The following RORA variants were observed in gnomAD, a reference collection of about 807,000 sequenced individuals.
RORA encodes RAR related orphan receptor A, also known as nuclear receptor ROR-alpha.
Under a neutral mutation model 69.5 loss-of-function variants are expected in RORA, and 7 were observed. The observed-to-expected ratio is 0.10, with a 90% CI of 0.06 to 0.19. The LOEUF is 0.19. Ranked by LOEUF, RORA falls within the 10% of genes least tolerant of loss-of-function variation. The pLI, the probability that RORA is intolerant of heterozygous loss-of-function variation, is 1.00. For synonymous variants in RORA, 261 were observed against 240.8 expected (o/e 1.08, Z -0.78); for missense variants, 457 against 663.0 (o/e 0.69, Z 3.41).
chr15:60,762,762 G>A (rs868093909), intron 1 of RORA, among the ~76,000 whole-genome samples: 2 of 152,092 alleles, frequency 1.3e-5, no homozygotes, highest in East Asian at 3.9e-4. Context: ...TCTGCAAGGG[G>A]GACTATTGGT....
chr15:60,944,581 C>T (rs1892805422), intron 1 of RORA, among the ~76,000 whole-genome samples: 1 of 151,328 alleles, frequency 6.6e-6, no homozygotes, highest in Non-Finnish European at 1.5e-5. Flanking sequence ...AAAAAATGGC[C>T]AGGTGTGGTG....
At chr15:60,783,951 A>G (rs1020019188) in intron 1 of RORA, among the ~76,000 whole-genome samples, 1 of 152,226 alleles carries the variant, frequency 6.6e-6, no homozygotes, top group Non-Finnish European at 1.5e-5. Context: ...CATTCCCACA[A>G]TTAGTTTAAC....
intron 1 of RORA, chr15:61,182,938 G>A (rs886564122): frequency 6.6e-6 from 1 of 152,200 alleles, no homozygotes; most frequent in African/African-American, 2.4e-5. Context: ...TCTTCACAGG[G>A]ATCAAGATCA....
At chr15:60,924,571 C>G (rs1161500635) in intron 1 of RORA, among the ~76,000 whole-genome samples, 1 of 151,954 alleles carries the variant, frequency 6.6e-6, no homozygotes, top group African/African-American at 2.4e-5. Context: ...AATAGAAATT[C>G]TTGTCCTTGG....
rs556010859 is a variant in RORA at position 60,935,284 on chromosome 15, G to A, written c.167-256598C>T. ...TCTGGCTTTGTGTAGACATCTCCTCGCTGGGAGAAAAGCCAGAGTTAATCC... is the reference window on the plus strand; with the variant it reads ...TCTGGCTTTGTGTAGACATCTCCTCACTGGGAGAAAAGCCAGAGTTAATCC... On this transcript the variant is annotated intron_variant, in intron 1 of 10. Transcript: ENST00000335670. Among the ~76,000 whole-genome samples, 14 of 152,234 alleles carry A rather than the reference G, an allele frequency of 9.2e-5. No individual in the cohort carries two copies. The South Asian group carries it at 2.1e-3, about 23-fold the overall frequency.
In RORA at chr15:60,746,296, A is replaced by AT. The variant is rs563779949; in HGVS notation, c.167-67611dup. Among the ~76,000 whole-genome samples the AT allele has an allele frequency of 6.8e-3, 1,015 of 149,840 alleles. 8 individuals are homozygous for AT. Among genetic ancestry groups the AT allele is most frequent in the African/African-American group, 0.024 (963 of 40,908 alleles). On this transcript the variant is annotated intron_variant, in intron 1 of 10. Coordinates refer to ENST00000335670, the MANE Select transcript of RORA (RefSeq NM_134261.3). ...CTGTCAGGGGTGGTGGGCCATGTGC[A>AT]TTTTTTTTTTAATTTAATGAATGGA... is the stretch of plus-strand genomic sequence containing the variant.
intron 2 of RORA, among the ~76,000 whole-genome samples, chr15:60,551,929 G>A (rs2067237474): frequency 6.6e-6 from 1 of 152,230 alleles, no homozygotes; most frequent in Non-Finnish European, 1.5e-5. Context: ...AACAGAACCA[G>A]TGTGAACAGA....
chr15:60,936,488 C>T (rs76381949), intron 1 of RORA, among the ~76,000 whole-genome samples: 1,853 of 152,294 alleles, frequency 0.012, 41 homozygotes, highest in African/African-American at 0.043. Context: ...TCAAAAGTGT[C>T]CACCTTCTTT....
At chr15:60,543,419 G>A (rs1036909214) in intron 2 of RORA, among the ~76,000 whole-genome samples, 2 of 152,030 alleles carry the variant, frequency 1.3e-5, no homozygotes, top group Non-Finnish European at 2.9e-5. Context: ...TAAAGTGCCT[G>A]TAGCATCAGT....
At chr15:60,552,180 A>C (rs1391079486) in intron 2 of RORA, among the ~76,000 whole-genome samples, 10 of 152,220 alleles carry the variant, frequency 6.6e-5, no homozygotes. Context: ...TAGTGGTGTC[A>C]AACAGGAAAA....
rs142897728 is a variant in RORA at position 60,929,995 on chromosome 15, G to C, written c.167-251309C>G. 3.0e-3 allele frequency among the ~76,000 whole-genome samples: 460 copies of C among 152,258 alleles called. 5 individuals are homozygous for C. Among genetic ancestry groups the C allele is most frequent in the Non-Finnish European group, 5.5e-3 (371 of 68,022 alleles). On this transcript the variant is annotated intron_variant, in intron 1 of 10. Coordinates refer to ENST00000335670, the MANE Select transcript of RORA (RefSeq NM_134261.3). The stretch of plus-strand genomic sequence containing the variant: ...TGCCTCTGAACTTTCTGCAATGATG[G>C]AAATGCTCTCTATTTGTGTTACTTA...
At chr15:60,801,736 A>C (rs967875078) in intron 1 of RORA, among the ~76,000 whole-genome samples, 9 of 152,260 alleles carry the variant, frequency 5.9e-5, no homozygotes, top group African/African-American at 2.2e-4. Context: ...TCACGGTTTC[A>C]GATGAGCTTT....
At chr15:60,562,635 A>C (rs2067602292) in intron 2 of RORA, among the ~76,000 whole-genome samples, 1 of 145,372 alleles carries the variant, frequency 6.9e-6, no homozygotes. Flanking sequence ...TTTAGTAGAG[A>C]TGGGGTTTCA....
At chr15:60,962,043 T>C (rs188693853) in intron 1 of RORA, among the ~76,000 whole-genome samples, 3 of 152,328 alleles carry the variant, frequency 2.0e-5, no homozygotes, top group Admixed American at 2.0e-4. Flanking sequence ...CCGAGTGCTG[T>C]TTTCTTCTTA....
chr15:60,825,663 T>C (rs2072946238), intron 1 of RORA, among the ~76,000 whole-genome samples: 1 of 152,180 alleles, frequency 6.6e-6, no homozygotes, highest in Non-Finnish European at 1.5e-5. Flanking sequence ...ACACAAAGCA[T>C]GGCCCCGAAG....
chr15:61,112,600 C>A (rs1407906027), intron 1 of RORA, among the ~76,000 whole-genome samples: 1 of 152,172 alleles, frequency 6.6e-6, no homozygotes, highest in Non-Finnish European at 1.5e-5. Context: ...CTGTGAAGCA[C>A]AGAGCAGGTG....
At chr15:61,081,382 T>A (rs782905) in intron 1 of RORA, among the ~76,000 whole-genome samples, 35,787 of 152,140 alleles carry the variant, frequency 0.24, 4,334 homozygotes, top group South Asian at 0.33. Context: ...GGCAGGAAAG[T>A]GAGTCATTTT....
At chr15:60,752,151 G>C (rs1335231617) in intron 1 of RORA, among the ~76,000 whole-genome samples, 3 of 152,030 alleles carry the variant, frequency 2.0e-5, no homozygotes, top group African/African-American at 7.2e-5. Context: ...AGAAGAGAGA[G>C]GGCAGACATC....
At chr15:60,998,593 T>C (rs1226544863) in intron 1 of RORA, among the ~76,000 whole-genome samples, 1 of 152,138 alleles carries the variant, frequency 6.6e-6, no homozygotes, top group Non-Finnish European at 1.5e-5. Context: ...GAGACAGGGT[T>C]TCACCATGTT....
Sources: gnomAD v4.1 joint callset for allele counts (sites outside exome capture counted in the v4.1 genomes callset) on GRCh38, gnomAD v4.1.1 for gene constraint, MANE v1.5 for transcripts, NCBI Gene and HGNC (gene_info 2026-07-23, HGNC 2026-07-21) for gene names.